Variants in INSR observed in about 807,000 individuals in gnomAD.
The protein encoded by INSR is insulin receptor.
A neutral mutation model predicts 142.6 loss-of-function variants in INSR; 67 were observed. The observed-to-expected ratio is 0.47, with a 90% CI of 0.39 to 0.58. The LOEUF is 0.58. Among genes scored for constraint, INSR ranks in the 20% least tolerant of loss-of-function variants. The pLI is 0.00. For synonymous variants in INSR, 756 were observed against 743.1 expected (o/e 1.02, Z -0.28); for missense variants, 1,248 against 1,833.2 (o/e 0.68, Z 5.83).
At chr19:7,136,658 T>C (rs1332531912) in intron 13 of INSR, among the ~76,000 whole-genome samples, 1 of 151,634 alleles carries the variant, frequency 6.6e-6, no homozygotes, top group Non-Finnish European at 1.5e-5. Context: ...GTGTTCACCC[T>C]AGAGAGAAGC....
intron 1 of INSR, among the ~76,000 whole-genome samples, chr19:7,291,925 T>G (rs1248021577): frequency 6.6e-6 from 1 of 152,114 alleles, no homozygotes; most frequent in Non-Finnish European, 1.5e-5. Flanking sequence ...CCGGAATAGC[T>G]GGGACTACAG....
intron 2 of INSR, among the ~76,000 whole-genome samples, chr19:7,211,741 TC>T (rs1975279936): frequency 6.6e-6 from 1 of 151,914 alleles, no homozygotes; most frequent in African/African-American, 2.4e-5. Context: ...AAGGAAGCTG[TC>T]CCCGTCAACA....
At chr19:7,158,027 GA>G (rs1387471483) in intron 9 of INSR, among the ~76,000 whole-genome samples, 1 of 148,306 alleles carries the variant, frequency 6.7e-6, no homozygotes, top group Non-Finnish European at 1.5e-5. Context: ...AGAACTGCCT[GA>G]ATAAGGGAAG....
At chr19:7,278,004 GA>G (rs1426304180) in intron 1 of INSR, among the ~76,000 whole-genome samples, 1 of 151,906 alleles carries the variant, frequency 6.6e-6, no homozygotes, top group Non-Finnish European at 1.5e-5. Context: ...TGAGGCAGGA[GA>G]AACACTTGAA....
intron 9 of INSR, among the ~76,000 whole-genome samples, chr19:7,155,171 G>A (rs1973557438): frequency 6.6e-6 from 1 of 151,966 alleles, no homozygotes; most frequent in Non-Finnish European, 1.5e-5. Flanking sequence ...CACATATCGT[G>A]GTGTAAAGCA....
chr19:7,200,900 C>T (rs1974937017), intron 2 of INSR, among the ~76,000 whole-genome samples: 1 of 150,160 alleles, frequency 6.7e-6, no homozygotes, highest in Admixed American at 6.6e-5. Context: ...AGCCACACTT[C>T]CACACAAAAA....
chr19:7,195,232 C>T (rs554685490), intron 2 of INSR, among the ~76,000 whole-genome samples: 9 of 152,200 alleles, frequency 5.9e-5, no homozygotes, highest in Non-Finnish European at 1.3e-4. Flanking sequence ...GGCAACAACA[C>T]GTACTTCCCA....
intron 2 of INSR, among the ~76,000 whole-genome samples, chr19:7,203,348 T>C (rs1180279249): frequency 1.3e-5 from 2 of 152,206 alleles, no homozygotes; most frequent in Non-Finnish European, 2.9e-5. Context: ...CTTATTTTTC[T>C]CTGTTCAAAT....
chr19:7,183,157 G>A (rs963107402), intron 3 of INSR, among the ~76,000 whole-genome samples: 3 of 151,860 alleles, frequency 2.0e-5, no homozygotes, highest in Non-Finnish European at 2.9e-5. Flanking sequence ...CAACACTCTC[G>A]CTTGGCTAAT....
intron 2 of INSR, among the ~76,000 whole-genome samples, chr19:7,205,589 C>T (rs991714131): frequency 1.3e-5 from 2 of 152,122 alleles, no homozygotes; most frequent in Non-Finnish European, 2.9e-5. Flanking sequence ...GCTCTCTTGG[C>T]TTCCTGCAGT....
chr19:7,152,502 C>A, intron 10 of INSR: 1 of 597,420 alleles, frequency 1.7e-6, no homozygotes, highest in Non-Finnish European at 3.0e-6. Flanking sequence ...GAGTTTTGTC[C>A]ATTTTTCCCC....
intron 2 of INSR, among the ~76,000 whole-genome samples, chr19:7,256,306 G>C (rs1044966467): frequency 6.6e-6 from 1 of 151,912 alleles, no homozygotes; most frequent in African/African-American, 2.4e-5. Context: ...ACAATTAGCC[G>C]GGTGTGGTGG....
At chr19:7,142,201 G>C (rs948851287) in intron 12 of INSR, among the ~76,000 whole-genome samples, 4 of 149,602 alleles carry the variant, frequency 2.7e-5, no homozygotes, top group African/African-American at 9.9e-5. Context: ...TCAGGCATTG[G>C]AGACCAGCCT....
At chr19:7,158,327 C>T (rs984625437) in intron 9 of INSR, among the ~76,000 whole-genome samples, 4 of 151,744 alleles carry the variant, frequency 2.6e-5, no homozygotes, top group East Asian at 1.9e-4. Context: ...GGTGAAACCC[C>T]GTCTCTACTA....
chr19:7,199,588 C>A (rs1319901321), intron 2 of INSR, among the ~76,000 whole-genome samples: 1 of 73,404 alleles, frequency 1.4e-5, no homozygotes, highest in Non-Finnish European at 2.6e-5. Flanking sequence ...TTTTTGAGAG[C>A]GGGTCTCTCT....
intron 1 of INSR, among the ~76,000 whole-genome samples, chr19:7,276,153 AT>A (rs765205262): frequency 1.2e-3 from 176 of 150,110 alleles, no homozygotes; most frequent in Non-Finnish European, 2.2e-3. Context: ...CAGTTACAGG[AT>A]TTTTTTTTTG....
chr19:7,180,806 G>A (rs1367681906), intron 3 of INSR, among the ~76,000 whole-genome samples: 3 of 152,110 alleles, frequency 2.0e-5, no homozygotes, highest in East Asian at 1.9e-4. Flanking sequence ...CGACCACCAC[G>A]GCCAGGGGGC....
Position 7,116,152 on chromosome 19 carries a change from G to C in INSR, c.*904C>G, listed in dbSNP as rs1336834051. 1.0e-5 allele frequency: 1 copy of C among 97,194 alleles called. No homozygotes were observed. The highest frequency in any genetic ancestry group is 1.3e-4 in the Admixed American group (1 of 7,478). The allele number at this position is 97,194 out of a possible 1,614,324, so 6.0% of individuals were successfully genotyped here. A position where few individuals can be genotyped will look rare whatever the true frequency, so the allele number is the denominator to read the frequency against. On this transcript the variant is annotated 3_prime_UTR_variant, in exon 22 of 22. Transcript: ENST00000302850. ...TTTTTTTTTTTTAATGTCCTAGCTT[G>C]GTTTGGTCTTGAAAAGATTCATAAT...
At chr19:7,184,059 T>TAAAAAAAAAAAAAAA (rs1451808558) in intron 3 of INSR, among the ~76,000 whole-genome samples, 1 of 67,480 alleles carries the variant, frequency 1.5e-5, no homozygotes, top group African/African-American at 7.6e-5. Flanking sequence ...AGACTCCATC[T>TAAAAAAAAAAAAAAA]CAAAAAAAAA....
Sources: gnomAD v4.1 joint callset for allele counts (sites outside exome capture counted in the v4.1 genomes callset) on GRCh38, gnomAD v4.1.1 for gene constraint, MANE v1.5 for transcripts, NCBI Gene and HGNC (gene_info 2026-07-23, HGNC 2026-07-21) for gene names.